The following AMT variants were observed in gnomAD, a reference collection of about 807,000 sequenced individuals.
AMT encodes aminomethyltransferase, mitochondrial.
A neutral mutation model predicts 39.5 loss-of-function variants in AMT; 24 were observed. That is an observed-to-expected ratio of 0.61 (90% confidence interval 0.44 to 0.86). The LOEUF (loss-of-function observed/expected upper bound fraction) is 0.86. Ranked by LOEUF, AMT falls within the 40% of genes least tolerant of loss-of-function variation. AMT has a pLI of 0.00. For synonymous variants in AMT, 210 were observed against 212.1 expected (o/e 0.99, Z 0.09); for missense variants, 501 against 537.0 (o/e 0.93, Z 0.66).
chr3:49,420,431 C>A, intron 3 of AMT, 89 bp from the exon 4 acceptor site: 1 of 1,598,408 alleles, frequency 6.3e-7, no homozygotes, highest in Non-Finnish European at 8.6e-7. Flanking sequence ...CACTTAGTTA[C>A]CAAAAGGTTA....
rs1222477638 is a variant in AMT at position 49,417,164 on chromosome 3, T to C, written c.*376A>G. On this transcript the variant is annotated 3_prime_UTR_variant, in exon 9 of 9. Coordinates refer to ENST00000273588, the MANE Select transcript of AMT (RefSeq NM_000481.4). Reference sequence around the variant, plus strand: ...TTACCCTTTGCAATGTGAAAAACCATGGTGAGGTAGGTTGGGCAGGTTTTA... The same window carrying C: ...TTACCCTTTGCAATGTGAAAAACCACGGTGAGGTAGGTTGGGCAGGTTTTA... 4.7e-6 allele frequency: 5 copies of C among 1,053,804 alleles called. No individual in the cohort carries two copies. The highest frequency in any genetic ancestry group is 5.7e-6 in the Non-Finnish European group (4 of 704,258). The allele number at this position is 1,053,804 out of a possible 1,614,324, so 65.3% of individuals were successfully genotyped here.
chr3:49,419,998 G>C, intron 4 of AMT: 3 of 790,438 alleles, frequency 3.8e-6, no homozygotes. Context: ...CCTCACACCA[G>C]AGGGGCCAAG....
At position 49,417,328 on chromosome 3, in the gene AMT, T is replaced by G; in HGVS notation, c.*212A>C. 6.3e-7 allele frequency: 1 copy of G among 1,595,478 alleles called. No homozygotes were observed. Among genetic ancestry groups the G allele is most frequent in the Non-Finnish European group, 8.5e-7 (1 of 1,176,398 alleles). The stretch of plus-strand genomic sequence containing the variant: ...TCATGGACTGAAACAAGACATTGTG[T>G]GAGCTGGTCCGTCACTCAGAAGCAG... On this transcript the variant is annotated 3_prime_UTR_variant, in exon 9 of 9. Transcript: ENST00000273588.
chr3:49,417,768 C>T, intron 8 of AMT, 50 bp from the exon 9 acceptor site: 1 of 1,614,076 alleles, frequency 6.2e-7, no homozygotes. Flanking sequence ...CCAGTGCCCC[C>T]ACCCTCCTGG....
intron 3 of AMT, chr3:49,421,104 C>T: frequency 3.5e-6 from 1 of 285,896 alleles, no homozygotes; most frequent in Non-Finnish European, 6.9e-6. Flanking sequence ...GAGGTTTTGC[C>T]ATGTTGGCCA....
chr3:49,420,360 C>A lies in AMT; in HGVS notation c.340-18G>T. 1 of 1,613,916 alleles carries A rather than the reference C, an allele frequency of 6.2e-7. No individual in the cohort carries two copies. Among genetic ancestry groups the A allele is most frequent in the Admixed American group, 1.7e-5 (1 of 60,008 alleles). On this transcript the variant is annotated intron_variant, in intron 3 of 8. Coordinates refer to ENST00000273588, the MANE Select transcript of AMT (RefSeq NM_000481.4). ...AGTGTCCCCTAGGACCAAAGTGGAG[C>A]GTTTTGGCTTCCAGGTCCAGGAGGG...
chr3:49,417,867 G>A lies in AMT; in HGVS notation c.984C>T (p.Ala328=). 1 of 1,613,988 alleles carries A rather than the reference G, an allele frequency of 6.2e-7. No homozygotes were observed. Among genetic ancestry groups the A allele is most frequent in the Non-Finnish European group, 8.5e-7 (1 of 1,180,010 alleles). The change falls in exon 8 of 9, where the codon GCC becomes GCT. Residue 328 remains alanine, a synonymous_variant. Transcript: ENST00000273588. ...GGATGGGACTGTGTGCCCGCATGGG[G>A]GCCCCCTCACACATCAACCCCACAC... is the stretch of plus-strand genomic sequence containing the variant. ...RRRVGLMCEG[A]PMRAHSPILN...
chr3:49,417,384 T>G lies in AMT; in HGVS notation c.*156A>C, dbSNP rs2049016193. On this transcript the variant is annotated 3_prime_UTR_variant, in exon 9 of 9. Transcript: ENST00000273588. ...TGAAGGAAGCTGGAATGGCATGAGT[T>G]AGGTGGGGGGAATAGGTGGTGTGGC... 8.1e-6 allele frequency: 13 copies of G among 1,604,298 alleles called. No homozygotes were observed. The highest frequency in any genetic ancestry group is 1.6e-4 in the Middle Eastern group (1 of 6,080).
rs779221510 is a variant in AMT at position 49,417,072 on chromosome 3, T to G, written c.*468A>C. ...GTCAGCAATCATTCCTGACTTGCAG[T>G]AAGGACAATTTGCATTTACGGAAAG... On this transcript the variant is annotated 3_prime_UTR_variant, in exon 9 of 9. Transcript: ENST00000273588. 1.1e-5 allele frequency: 7 copies of G among 649,766 alleles called. No individual in the cohort carries two copies. In the East Asian group the frequency reaches 2.2e-4, roughly 20 times the overall value. The allele number at this position is 649,766 out of a possible 1,614,324, so 40.3% of individuals were successfully genotyped here.
Position 49,422,378 on chromosome 3 carries a change from G to T in AMT, c.73C>A (p.Pro25Thr), listed in dbSNP as rs751869343. ...TATCCCACCTGTGCGCAACTAAGTG[G>T]ACGACACAAGGCCGGGGGGAATGCC... ...LQAFPPALCR[P>T]LSCAQEVLRR... The change falls in exon 1 of 9, where the codon CCA (proline) becomes ACA (threonine). Residue 25 changes from proline to threonine, a missense_variant. Physicochemically the swap from Pro to Thr is conservative, Grantham distance 38. Transcript: ENST00000273588. 3 of 1,613,918 alleles carry T rather than the reference G, an allele frequency of 1.9e-6. No individual in the cohort carries two copies. Among genetic ancestry groups the T allele is most frequent in the South Asian group, 1.1e-5 (1 of 91,068 alleles).
chr3:49,420,149 C>A (rs2049073985), intron 4 of AMT, 62 bp downstream of exon 4: 3 of 1,608,806 alleles, frequency 1.9e-6, no homozygotes, highest in African/African-American at 1.3e-5. Context: ...CTGTCTTGGA[C>A]AACAAGGATA....
At chr3:49,420,604 A>C (rs2107934325) in intron 3 of AMT, 1 of 486,530 alleles carries the variant, frequency 2.1e-6, no homozygotes, top group East Asian at 4.0e-5. Flanking sequence ...CTGTACTGAG[A>C]GTCCCATCTG....
At chr3:49,421,762 G>A in intron 2 of AMT, 190 bp from the exon 3 acceptor site, 1 of 686,270 alleles carries the variant, frequency 1.5e-6, no homozygotes, top group African/African-American at 1.8e-5. Context: ...CACTCTGTGT[G>A]GGGGGACTGC....
chr3:49,418,365 T>A, intron 7 of AMT: 1 of 304,400 alleles, frequency 3.3e-6, no homozygotes, highest in Non-Finnish European at 6.3e-6. Flanking sequence ...ATATTTTCAG[T>A]AGAGACGGGG....
rs376165517 is a variant in AMT, at chr3:49,417,923, G to A, written c.928C>T (p.Pro310Ser). The A allele has an allele frequency of 1.9e-6, 3 of 1,613,976 alleles. No homozygotes were observed. In the African/African-American group the frequency reaches 4.0e-5, roughly 22 times the overall value. ...CGCTGCACCCTGCCCTTCAGCTGGG[G>A]AACAATGACCTTGGCTCCAGGGAAG... ...MDFPGAKVIVPQLKGRVQRRR... is the reference protein window; with the variant it reads ...MDFPGAKVIVSQLKGRVQRRR... Residue 310 changes from proline to serine, a missense_variant, in exon 8 of 9, where the codon CCC (proline) becomes TCC (serine). Physicochemically the swap from Pro to Ser is moderately conservative, Grantham distance 74. Transcript: ENST00000273588.
intron 7 of AMT, 190 bp from the exon 8 acceptor site, chr3:49,418,163 C>A (rs2049031906): frequency 9.0e-6 from 6 of 665,058 alleles, no homozygotes; most frequent in Non-Finnish European, 1.5e-5. Flanking sequence ...GCCATGCTGC[C>A]CACCTGCCGA....
At chr3:49,419,497 A>C in intron 5 of AMT, 92 bp from the exon 6 acceptor site, 2 of 1,566,650 alleles carry the variant, frequency 1.3e-6, no homozygotes, top group East Asian at 4.7e-5. Context: ...ACAAGCCCTG[A>C]GCATGTCTTA....
chr3:49,420,282 T>G lies in AMT; in HGVS notation c.400A>C (p.Asn134His), dbSNP rs762084597. ...ACATACAGGTGGCCCTCAGAAGTAT[T>G]GGTTACAATCAAGTCATCTAAGATG... is the stretch of plus-strand genomic sequence containing the variant. ...GGILDDLIVT[N>H]TSEGHLYVVS... Residue 134 changes from asparagine (N) to histidine (H), a missense_variant, in exon 4 of 9, where the codon AAT becomes CAT. By Grantham distance (68) the Asn-to-His change is moderately conservative. Transcript: ENST00000273588. The G allele has an allele frequency of 1.2e-6, 2 of 1,614,158 alleles. No individual in the cohort carries two copies. Among genetic ancestry groups the G allele is most frequent in the Admixed American group, 3.3e-5 (2 of 60,022 alleles).
At position 49,417,849 on chromosome 3, in the gene AMT, A is replaced by G; in HGVS notation, c.1002T>C (p.Ser334=). The change falls in exon 8 of 9, where the codon AGT becomes AGC. Residue 334 remains serine (S), a synonymous_variant. Transcript: ENST00000273588. ...MCEGAPMRAH[S]PILNMEGTKI... is the part of the protein sequence containing the mutation. ...TGGTACCCTCCATGTTCAGGATGGGACTGTGTGCCCGCATGGGGGCCCCCT... is the reference window on the plus strand; with the variant it reads ...TGGTACCCTCCATGTTCAGGATGGGGCTGTGTGCCCGCATGGGGGCCCCCT... 1 of 1,614,072 alleles carries G rather than the reference A, an allele frequency of 6.2e-7. No individual in the cohort carries two copies. Among genetic ancestry groups the G allele is most frequent in the Non-Finnish European group, 8.5e-7 (1 of 1,180,014 alleles).
Sources: allele counts gnomAD v4.1 joint callset, GRCh38; gene constraint gnomAD v4.1.1; transcripts MANE v1.5; gene names NCBI Gene and HGNC (gene_info 2026-07-23, HGNC 2026-07-21).